CACNG2: variants seen among roughly 807,000 people sequenced by gnomAD.
CACNG2 encodes the protein calcium voltage-gated channel auxiliary subunit gamma 2, also known as voltage-dependent calcium channel gamma-2 subunit.
CACNG2 carries 3 observed loss-of-function variants against 25.9 expected under a neutral mutation model. The observed-to-expected ratio is 0.12, with a 90% CI of 0.05 to 0.30. The LOEUF is 0.30. CACNG2 is among the 10% of genes least tolerant of loss of function. The pLI, the probability that CACNG2 is intolerant of heterozygous loss-of-function variation, is 1.00. For missense variants in CACNG2, 341 were observed against 432.5 expected, an observed-to-expected ratio of 0.79 and a Z score of 1.88; for synonymous variants, 167 against 173.3, an observed-to-expected ratio of 0.96 and a Z score of 0.29.
intron 1 of CACNG2, among the ~76,000 whole-genome samples, chr22:36,681,916 C>G (rs531049531): frequency 9.8e-5 from 15 of 152,324 alleles, no homozygotes; most frequent in Non-Finnish European, 2.1e-4. Context: ...TCCCCCCACT[C>G]TCTATTGGGT....
intron 1 of CACNG2, among the ~76,000 whole-genome samples, chr22:36,605,044 G>A (rs1935810596): frequency 2.6e-5 from 4 of 152,056 alleles, no homozygotes; most frequent in African/African-American, 7.2e-5. Flanking sequence ...CAAAATGTTG[G>A]GATTACAGGT....
chr22:36,607,583 G>A (rs1935862451), intron 1 of CACNG2, among the ~76,000 whole-genome samples: 1 of 152,104 alleles, frequency 6.6e-6, no homozygotes, highest in East Asian at 1.9e-4. Context: ...ATTCAGTTTT[G>A]TGGCATAGAG....
intron 1 of CACNG2, among the ~76,000 whole-genome samples, chr22:36,629,772 G>A (rs2032465): frequency 0.53 from 80,133 of 151,984 alleles, 23,272 homozygotes; most frequent in Non-Finnish European, 0.64. Context: ...TCCCAAGGAC[G>A]CAGTGAAGAA....
In CACNG2 at chr22:36,564,302, C is replaced by G. The variant is rs754496191; in HGVS notation, c.*49G>C. On this transcript the variant is annotated 3_prime_UTR_variant, in exon 4 of 4. Coordinates refer to ENST00000300105, the MANE Select transcript of CACNG2 (RefSeq NM_006078.5). The surrounding 1 kb of genome is among the most constrained non-coding windows in gnomAD (Gnocchi z 6.7). ...TGGGTCTCCCCGCCCCGCCCCGCCC[C>G]CGGGGACCGCGCCCTCCTCCCGCGG... 6.4e-7 allele frequency: 1 copy of G among 1,567,778 alleles called. No homozygotes were observed. Among genetic ancestry groups the G allele is most frequent in the South Asian group, 1.1e-5 (1 of 87,410 alleles).
Position 36,658,892 on chromosome 22 carries a change from C to A in CACNG2, c.211+43474G>T, listed in dbSNP as rs190263989. On this transcript the variant is annotated intron_variant, in intron 1 of 3. Transcript: ENST00000300105. ...TGCAGAGACTGAAGATAAGATGGAGCCTGGTATTGGGGTGGGGACAGCAAT... is the reference window on the plus strand; with the variant it reads ...TGCAGAGACTGAAGATAAGATGGAGACTGGTATTGGGGTGGGGACAGCAAT... 3.8e-3 allele frequency among the ~76,000 whole-genome samples: 582 copies of A among 152,092 alleles called. 3 individuals carry two copies. Among genetic ancestry groups the A allele is most frequent in the South Asian group, 0.017 (81 of 4,814 alleles).
chr22:36,693,853 C>A (rs192665418), intron 1 of CACNG2, among the ~76,000 whole-genome samples: 1 of 152,324 alleles, frequency 6.6e-6, no homozygotes, highest in East Asian at 1.9e-4. Flanking sequence ...CTCCCAGAAT[C>A]CCCTGTGCGT....
At chr22:36,593,374 C>T (rs113122335) in intron 1 of CACNG2, among the ~76,000 whole-genome samples, 3,899 of 152,170 alleles carry the variant, frequency 0.026, 125 homozygotes, top group Admixed American at 0.084. Flanking sequence ...TGAATGGCGG[C>T]GGCCATGAGG....
At chr22:36,595,682 G>C (rs1935668675) in intron 1 of CACNG2, among the ~76,000 whole-genome samples, 1 of 152,172 alleles carries the variant, frequency 6.6e-6, no homozygotes, top group African/African-American at 2.4e-5. Flanking sequence ...TCAGGCATTG[G>C]CTTTGAGCTT....
chr22:36,567,805 A>T (rs941998094), intron 2 of CACNG2, among the ~76,000 whole-genome samples: 2 of 152,140 alleles, frequency 1.3e-5, no homozygotes, highest in African/African-American at 4.8e-5. Context: ...GCTAGGCAGG[A>T]GGCAGAGCTG....
intron 1 of CACNG2, among the ~76,000 whole-genome samples, chr22:36,685,172 G>A (rs191436374): frequency 6.6e-6 from 1 of 152,278 alleles, no homozygotes; most frequent in African/African-American, 2.4e-5. Flanking sequence ...GGGGGCGGCA[G>A]GGGGTGTCTC....
At chr22:36,645,660 T>C (rs1179005633) in intron 1 of CACNG2, among the ~76,000 whole-genome samples, 1 of 152,190 alleles carries the variant, frequency 6.6e-6, no homozygotes, top group Non-Finnish European at 1.5e-5. Context: ...ATTTTCTTCC[T>C]TGACGGCAAT....
intron 1 of CACNG2, among the ~76,000 whole-genome samples, chr22:36,640,575 G>A (rs78610665): frequency 0.051 from 7,781 of 152,222 alleles, 671 homozygotes; most frequent in African/African-American, 0.18. Context: ...TCTGCATCTC[G>A]GTTTCCTCAC....
At chr22:36,613,542 T>C (rs1164092160) in intron 1 of CACNG2, among the ~76,000 whole-genome samples, 1 of 152,124 alleles carries the variant, frequency 6.6e-6, no homozygotes, top group African/African-American at 2.4e-5. Context: ...TCAGACTCCT[T>C]TGCAAGGTCC....
At chr22:36,600,817 G>C (rs1045611445) in intron 1 of CACNG2, among the ~76,000 whole-genome samples, 1 of 152,146 alleles carries the variant, frequency 6.6e-6, no homozygotes, top group South Asian at 2.1e-4. Flanking sequence ...TAAGTGCTGA[G>C]ATTATAGGCA....
chr22:36,582,354 C>G (rs1471241437), intron 2 of CACNG2, among the ~76,000 whole-genome samples: 1 of 152,058 alleles, frequency 6.6e-6, no homozygotes, highest in Non-Finnish European at 1.5e-5. Flanking sequence ...CTCAGATATT[C>G]CAGGCATGCT....
At chr22:36,624,954 T>C (rs1936162207) in intron 1 of CACNG2, among the ~76,000 whole-genome samples, 1 of 142,708 alleles carries the variant, frequency 7.0e-6, no homozygotes, top group Non-Finnish European at 1.5e-5. Flanking sequence ...CTCGAACCAG[T>C]GAGTTGGAGG....
chr22:36,697,902 A>T (rs1937360513), intron 1 of CACNG2, among the ~76,000 whole-genome samples: 1 of 152,142 alleles, frequency 6.6e-6, no homozygotes. Flanking sequence ...GAAGAAAATC[A>T]ATTGGATATT....
At chr22:36,581,668 C>A (rs375503389) in intron 2 of CACNG2, among the ~76,000 whole-genome samples, 2 of 152,334 alleles carry the variant, frequency 1.3e-5, no homozygotes, top group South Asian at 2.1e-4. Context: ...TCTCACTGGC[C>A]CCTAAGCCTT....
intron 1 of CACNG2, among the ~76,000 whole-genome samples, chr22:36,679,159 TTCC>T (rs1937054858): frequency 9.8e-6 from 1 of 102,528 alleles, no homozygotes; most frequent in Non-Finnish European, 2.0e-5. Context: ...CCTTCCTTCC[TTCC>T]TTCCTTCCTT....
Sources: allele counts gnomAD v4.1 joint callset (sites outside exome capture counted in the v4.1 genomes callset), GRCh38; gene constraint gnomAD v4.1.1; non-coding constraint Gnocchi (gnomAD v3.1); transcripts MANE v1.5; gene names NCBI Gene and HGNC (gene_info 2026-07-23, HGNC 2026-07-21).